Variants in SMIM41 observed in about 807,000 individuals in gnomAD.
SMIM41 encodes small integral membrane protein 41.
At chr12:52,102,845 G>A (rs1940246357) in intron 2 of SMIM41, among the ~76,000 whole-genome samples, 1 of 152,204 alleles carries the variant, frequency 6.6e-6, no homozygotes, top group South Asian at 2.1e-4. Flanking sequence ...TCCCGCAGTT[G>A]CACTTGTGGG....
chr12:52,104,678 G>C (rs530639991), intron 2 of SMIM41, among the ~76,000 whole-genome samples: 163 of 151,950 alleles, frequency 1.1e-3, no homozygotes, highest in Non-Finnish European at 1.5e-3. Context: ...ATGGTCGGGG[G>C]GGGGCGGTCT....
rs1040797462 is a variant in SMIM41, at chr12:52,081,407, C to A, written c.*120+1226C>A. Among the ~76,000 whole-genome samples the A allele has an allele frequency of 6.6e-6, 1 of 152,054 alleles. No individual in the cohort carries two copies. ...TGCAGCTAAGCAGCTGCGAAGCTAA[C>A]GACAACGTGTGATCCCTGCCCAGCA... is the stretch of plus-strand genomic sequence containing the variant. On this transcript the variant is annotated intron_variant, in intron 1 of 2. Transcript: ENST00000546390. This position sits in a 1 kb window ranked among gnomAD's most constrained non-coding sequence, Gnocchi z 4.1.
rs151322696 is a variant in SMIM41 at position 52,088,024 on chromosome 12, C to T, written c.*195+4056C>T. On this transcript the variant is annotated intron_variant, in intron 2 of 2. Transcript: ENST00000546390. ...TCAGCAGCTCCAGCCTAACTTGGCC[C>T]CTGAATGCCATGTTAATCTGCCCAC... Among the ~76,000 whole-genome samples, 354 of 152,318 alleles carry T rather than the reference C, an allele frequency of 2.3e-3. 2 individuals carry two copies. Among genetic ancestry groups the T allele is most frequent in the African/African-American group, 8.0e-3 (333 of 41,566 alleles).
At chr12:52,095,148 A>G (rs530126202) in intron 2 of SMIM41, among the ~76,000 whole-genome samples, 8 of 151,934 alleles carry the variant, frequency 5.3e-5, no homozygotes, top group African/African-American at 1.7e-4. Flanking sequence ...GGGTGTCGCT[A>G]TGTTGCCCAG....
intron 2 of SMIM41, among the ~76,000 whole-genome samples, chr12:52,101,904 G>T (rs1179034673): frequency 6.6e-6 from 1 of 152,062 alleles, no homozygotes; most frequent in African/African-American, 2.4e-5. Context: ...TAGAGACGGG[G>T]GTTTTTCCCT....
rs1939820807 is a variant in SMIM41 at position 52,081,607 on chromosome 12, G to A, written c.*120+1426G>A. On this transcript the variant is annotated intron_variant, in intron 1 of 2. Coordinates refer to ENST00000546390, the MANE Select transcript of SMIM41 (RefSeq NM_001369216.1). This position sits in a 1 kb window ranked among gnomAD's most constrained non-coding sequence, Gnocchi z 4.1. ...CTGTTACTGCACCTGGCACAGGCAG[G>A]GGGCTGGGCCCAGGGGACATTCCCC... 6.6e-6 allele frequency among the ~76,000 whole-genome samples: 1 copy of A among 152,134 alleles called. No homozygotes were observed. The highest frequency in any genetic ancestry group is 1.5e-5 in the Non-Finnish European group (1 of 68,008).
At chr12:52,089,046 G>A (rs113106341) in intron 2 of SMIM41, among the ~76,000 whole-genome samples, 1 of 151,940 alleles carries the variant, frequency 6.6e-6, no homozygotes, top group Non-Finnish European at 1.5e-5. Context: ...TGTGTGCCAG[G>A]CACTGCTCCA....
chr12:52,097,340 G>A (rs1310978475), intron 2 of SMIM41, among the ~76,000 whole-genome samples: 1 of 149,952 alleles, frequency 6.7e-6, no homozygotes, highest in African/African-American at 2.4e-5. Flanking sequence ...GATGCGGGGA[G>A]AAATATCACC....
At chr12:52,103,378 A>C (rs528034736) in intron 2 of SMIM41, among the ~76,000 whole-genome samples, 49 of 151,850 alleles carry the variant, frequency 3.2e-4, no homozygotes, top group Admixed American at 1.6e-3. Flanking sequence ...AAAAACCAAA[A>C]AACAAAACAG....
Position 52,101,678 on chromosome 12 carries a change from CTT to C in SMIM41, c.*196-5700_*196-5699del, listed in dbSNP as rs1474582326. 5.3e-5 allele frequency among the ~76,000 whole-genome samples: 8 copies of C among 151,768 alleles called. No individual in the cohort carries two copies. The East Asian group carries it at 1.4e-3, about 26-fold the overall frequency. On this transcript the variant is annotated intron_variant, in intron 2 of 2. Transcript: ENST00000546390. ...TTCTCATTATGCTGGTTTTTAAGCT[CTT>C]CTCTTTCTGCTCTTGAAATCATGCT...
intron 2 of SMIM41, among the ~76,000 whole-genome samples, chr12:52,103,753 AGT>A (rs1940270175): frequency 2.4e-5 from 3 of 126,546 alleles, no homozygotes; most frequent in South Asian, 2.3e-4. Flanking sequence ...GACTGTCTCC[AGT>A]AAATAAATAA....
intron 2 of SMIM41, among the ~76,000 whole-genome samples, chr12:52,102,988 G>A (rs111987112): frequency 0.029 from 4,465 of 151,520 alleles, 75 homozygotes; most frequent in South Asian, 0.075. Context: ...GAAAAAACAC[G>A]CTGCAGTGCA....
rs752024622 is a variant in SMIM41, at chr12:52,081,121, C to A, written c.*120+940C>A. Reference sequence around the variant, plus strand: ...GGCCTGAGGACAAGGTAACTACAGGCGAAAGCCACCTGGGACAGAGCCACA... The same window carrying A: ...GGCCTGAGGACAAGGTAACTACAGGAGAAAGCCACCTGGGACAGAGCCACA... On this transcript the variant is annotated intron_variant, in intron 1 of 2. Coordinates refer to ENST00000546390, the MANE Select transcript of SMIM41 (RefSeq NM_001369216.1). This position sits in a 1 kb window ranked among gnomAD's most constrained non-coding sequence, Gnocchi z 4.1. 1.3e-5 allele frequency among the ~76,000 whole-genome samples: 2 copies of A among 152,114 alleles called. No homozygotes were observed. Among genetic ancestry groups the A allele is most frequent in the Non-Finnish European group, 2.9e-5 (2 of 68,006 alleles).
intron 1 of SMIM41, among the ~76,000 whole-genome samples, chr12:52,083,487 C>T (rs1457841086): frequency 1.3e-5 from 2 of 152,244 alleles, no homozygotes; most frequent in East Asian, 1.9e-4. Flanking sequence ...CCCCTGGCCT[C>T]TCCTCAGTGG....
intron 2 of SMIM41, among the ~76,000 whole-genome samples, chr12:52,093,278 A>G (rs6580850): frequency 0.36 from 54,675 of 152,114 alleles, 11,732 homozygotes; most frequent in African/African-American, 0.56. Flanking sequence ...GAGAGTGTTG[A>G]CCAAGGATGT....
chr12:52,093,000 T>C (rs888647144), intron 2 of SMIM41, among the ~76,000 whole-genome samples: 4 of 151,994 alleles, frequency 2.6e-5, no homozygotes, highest in Admixed American at 6.6e-5. Flanking sequence ...GCTAACACGG[T>C]GAAACCCCGT....
chr12:52,088,417 G>A (rs1249938201), intron 2 of SMIM41, among the ~76,000 whole-genome samples: 1 of 152,196 alleles, frequency 6.6e-6, no homozygotes, highest in African/African-American at 2.4e-5. Context: ...AGCCTGGCAT[G>A]TCTGAAGGGA....
At chr12:52,084,124 C>T (rs1307615678) in intron 2 of SMIM41, among the ~76,000 whole-genome samples, 156 bp downstream of exon 2, 2 of 152,068 alleles carry the variant, frequency 1.3e-5, no homozygotes, top group African/African-American at 4.8e-5. Flanking sequence ...GCCTGTAATG[C>T]CAGCACTTTG....
At chr12:52,098,815 G>T (rs976732497) in intron 2 of SMIM41, among the ~76,000 whole-genome samples, 1 of 151,816 alleles carries the variant, frequency 6.6e-6, no homozygotes, top group African/African-American at 2.4e-5. Flanking sequence ...GGGTATCAGA[G>T]GGGGAGGGTG....
Sources: gnomAD v4.1 joint callset for allele counts (sites outside exome capture counted in the v4.1 genomes callset) on GRCh38, gnomAD v4.1.1 for gene constraint, Gnocchi (gnomAD v3.1) non-coding constraint, MANE v1.5 for transcripts, NCBI Gene and HGNC (gene_info 2026-07-23, HGNC 2026-07-21) for gene names.